ROBO1: variants seen among roughly 807,000 people sequenced by gnomAD.
ROBO1 encodes the protein roundabout homolog 1.
ROBO1 carries 149 observed loss-of-function variants against 195.9 expected under a neutral mutation model. That is an observed-to-expected ratio of 0.76 (90% CI 0.67 to 0.87). The LOEUF (loss-of-function observed/expected upper bound fraction) is 0.87, where lower values mean the gene tolerates loss of function less well. Among genes scored for constraint, ROBO1 ranks in the 40% least tolerant of loss-of-function variants. ROBO1 has a pLI of 0.00. For synonymous variants in ROBO1, 816 were observed against 733.2 expected, an observed-to-expected ratio of 1.11 and a Z score of -1.82; for missense variants, 1,933 against 2,068.3, an observed-to-expected ratio of 0.93 and a Z score of 1.27.
At chr3:79,470,438 AT>A in intron 2 of ROBO1, among the ~76,000 whole-genome samples, 1 of 152,300 alleles carries the variant, frequency 6.6e-6, no homozygotes, top group African/African-American at 2.4e-5. Flanking sequence ...GAGGGATAGC[AT>A]TAGGAGATAT....
At chr3:79,456,734 TAATA>T (rs1435403947) in intron 2 of ROBO1, among the ~76,000 whole-genome samples, 1 of 152,180 alleles carries the variant, frequency 6.6e-6, no homozygotes, top group Non-Finnish European at 1.5e-5. Flanking sequence ...AACAAATATT[TAATA>T]AATAGCTATT....
intron 2 of ROBO1, among the ~76,000 whole-genome samples, chr3:79,424,545 T>C (rs1430392492): frequency 2.0e-5 from 3 of 152,118 alleles, no homozygotes; most frequent in African/African-American, 7.2e-5. Context: ...CAGGCACTGT[T>C]CTTAGAACAG....
chr3:79,418,997 A>G (rs1240229421), intron 2 of ROBO1, among the ~76,000 whole-genome samples: 1 of 152,152 alleles, frequency 6.6e-6, no homozygotes, highest in African/African-American at 2.4e-5. Flanking sequence ...TGAAAAGATC[A>G]GGAAAAAGAC....
chr3:78,865,528 G>A (rs1213672386), intron 4 of ROBO1, among the ~76,000 whole-genome samples: 1 of 148,542 alleles, frequency 6.7e-6, no homozygotes, highest in Non-Finnish European at 1.5e-5. Context: ...CTGGAGTGCA[G>A]TGGCACAATC....
intron 2 of ROBO1, among the ~76,000 whole-genome samples, chr3:79,400,010 C>T (rs2037304865): frequency 1.3e-5 from 2 of 152,110 alleles, no homozygotes; most frequent in Non-Finnish European, 2.9e-5. Context: ...TGCACATTTA[C>T]CTCTGGTTTT....
chr3:78,698,629 C>T (rs6769521), intron 8 of ROBO1, among the ~76,000 whole-genome samples: 88,984 of 151,926 alleles, frequency 0.59, 27,184 homozygotes, highest in East Asian at 0.78. Context: ...ATGATACTGA[C>T]AAACATCCTA....
intron 4 of ROBO1, among the ~76,000 whole-genome samples, chr3:78,790,453 C>T (rs908981327): frequency 3.3e-5 from 5 of 151,998 alleles, no homozygotes; most frequent in African/African-American, 4.8e-5. Flanking sequence ...AGCATTTATC[C>T]TTTGTGTTAC....
chr3:79,427,493 A>T (rs1336635019), intron 2 of ROBO1, among the ~76,000 whole-genome samples: 2 of 152,254 alleles, frequency 1.3e-5, no homozygotes, highest in East Asian at 3.9e-4. Context: ...AGCTCTACCA[A>T]TTGTGGGTTG....
chr3:79,560,204 T>G (rs539280398), intron 2 of ROBO1, among the ~76,000 whole-genome samples: 1 of 151,586 alleles, frequency 6.6e-6, no homozygotes, highest in Non-Finnish European at 1.5e-5. Context: ...TATGCAGCCA[T>G]AAAAAATGAT....
intron 1 of ROBO1, among the ~76,000 whole-genome samples, chr3:79,628,999 G>A (rs1028827162): frequency 6.6e-6 from 1 of 151,980 alleles, no homozygotes; most frequent in African/African-American, 2.4e-5. Flanking sequence ...GATTCATAAG[G>A]CAAATGCTAC....
chr3:79,763,861 A>G (rs1704841562), intron 1 of ROBO1, among the ~76,000 whole-genome samples: 1 of 152,218 alleles, frequency 6.6e-6, no homozygotes, highest in Non-Finnish European at 1.5e-5. Flanking sequence ...TTAAAAAATT[A>G]TGAGTACTAA....
At chr3:79,138,604 C>T (rs1299360126) in intron 2 of ROBO1, among the ~76,000 whole-genome samples, 1 of 151,762 alleles carries the variant, frequency 6.6e-6, no homozygotes, top group Non-Finnish European at 1.5e-5. Context: ...TCTTATTTAA[C>T]TTAATTCAGG....
At chr3:79,266,853 C>A (rs1162993733) in intron 2 of ROBO1, among the ~76,000 whole-genome samples, 1 of 151,488 alleles carries the variant, frequency 6.6e-6, no homozygotes, top group African/African-American at 2.4e-5. Flanking sequence ...TTTTAAAAAT[C>A]CTGTTCAGAC....
rs114500117 is a variant in ROBO1 at position 79,577,602 on chromosome 3, G to A, written c.88+12222C>T. ...CAAATTTACAAAGAACTGGCTGGGC[G>A]TGGTGGGACATACCTGTAATCCCAG... On this transcript the variant is annotated intron_variant, in intron 2 of 30. Coordinates refer to ENST00000464233, the MANE Select transcript of ROBO1 (RefSeq NM_002941.4). Among the ~76,000 whole-genome samples the A allele has an allele frequency of 5.9e-3, 896 of 152,150 alleles. 7 individuals are homozygous for A. Among genetic ancestry groups the A allele is most frequent in the African/African-American group, 0.021 (852 of 41,528 alleles).
At chr3:79,527,784 T>C (rs1316582717) in intron 2 of ROBO1, 1 of 21,730 alleles carries the variant, frequency 4.6e-5, no homozygotes, top group Non-Finnish European at 8.3e-5. Context: ...ACTGTTTGAG[T>C]TCTCTCATTC....
chr3:78,670,490 C>T, intron 10 of ROBO1, 189 bp from the exon 11 acceptor site: 1 of 579,786 alleles, frequency 1.7e-6, no homozygotes, highest in South Asian at 2.1e-5. Flanking sequence ...AAATGAGACA[C>T]AATGTGCTAC....
chr3:79,297,968 A>T lies in ROBO1; in HGVS notation c.89-172429T>A, dbSNP rs74554255. Among the ~76,000 whole-genome samples, 3 of 152,232 alleles carry T rather than the reference A, an allele frequency of 2.0e-5. No homozygotes were observed. The East Asian group carries it at 5.8e-4, about 29-fold the overall frequency. On this transcript the variant is annotated intron_variant, in intron 2 of 30. Coordinates refer to ENST00000464233, the MANE Select transcript of ROBO1 (RefSeq NM_002941.4). ...ACTCTTTTGAAAGCCCAAGCAAAGGAGTTTCTCTTTTCTAAAGAGAAAGTT... is the reference window on the plus strand; with the variant it reads ...ACTCTTTTGAAAGCCCAAGCAAAGGTGTTTCTCTTTTCTAAAGAGAAAGTT...
At chr3:78,963,598 A>C (rs1487444445) in intron 3 of ROBO1, among the ~76,000 whole-genome samples, 1 of 132,572 alleles carries the variant, frequency 7.5e-6, no homozygotes, top group Non-Finnish European at 1.5e-5. Flanking sequence ...GGCTCACTGC[A>C]AGCTCCGCCT....
At chr3:79,572,848 G>T (rs73118892) in intron 2 of ROBO1, among the ~76,000 whole-genome samples, 41,309 of 151,950 alleles carry the variant, frequency 0.27, 5,772 homozygotes, top group Non-Finnish European at 0.32. Context: ...GGCCTCGTAC[G>T]TTTTTAAATC....
Sources: allele counts gnomAD v4.1 joint callset (sites outside exome capture counted in the v4.1 genomes callset), GRCh38; gene constraint gnomAD v4.1.1; transcripts MANE v1.5; gene names NCBI Gene and HGNC (gene_info 2026-07-23, HGNC 2026-07-21).